The following PER3 variants were observed in gnomAD, a reference collection of about 807,000 sequenced individuals.
The protein encoded by PER3 is period circadian protein homolog 3.
A neutral mutation model predicts 127.2 loss-of-function variants in PER3; 107 were observed. The observed-to-expected ratio is 0.84, with a 90% CI of 0.72 to 0.99. PER3 has a LOEUF of 0.99. Among genes scored for constraint, PER3 ranks in the 50% least tolerant of loss-of-function variants. The probability of loss-of-function intolerance (pLI) is 0.00; values close to 1 mark genes in which losing one functional copy is unlikely to be tolerated. For synonymous variants in PER3, 618 were observed against 585.8 expected (o/e 1.05, Z -0.79); for missense variants, 1,560 against 1,525.8 (o/e 1.02, Z -0.37).
At chr1:7,802,135 G>A (rs552883451) in intron 8 of PER3, among the ~76,000 whole-genome samples, 3 of 152,142 alleles carry the variant, frequency 2.0e-5, no homozygotes, top group South Asian at 2.1e-4. Flanking sequence ...AAATATTTAC[G>A]GAATCCAGTT....
chr1:7,801,077 TTGCC>T, intron 7 of PER3, 32 bp from the exon 8 acceptor site: 5 of 1,209,140 alleles, frequency 4.1e-6, no homozygotes, highest in Non-Finnish European at 6.1e-6. Flanking sequence ...AATTAGATAT[TTGCC>T]TTTAAATGGG....
At chr1:7,831,615 A>G (rs2151206738) in intron 19 of PER3, among the ~76,000 whole-genome samples, 1 of 152,304 alleles carries the variant, frequency 6.6e-6, no homozygotes, top group East Asian at 1.9e-4. Flanking sequence ...GAGGAAGTTC[A>G]CTTCTATTGC....
At position 7,784,569 on chromosome 1, in the gene PER3, G is replaced by C. The variant is rs917289558; in HGVS notation, c.-224-85G>C. 2.1e-5 allele frequency: 5 copies of C among 233,502 alleles called. No homozygotes were observed. The East Asian group carries it at 4.5e-4, about 21-fold the overall frequency. The allele number at this position is 233,502 out of a possible 1,614,324, so 14.5% of individuals were successfully genotyped here. A position where few individuals can be genotyped will look rare whatever the true frequency, so the allele number is the denominator to read the frequency against. On this transcript the variant is annotated intron_variant, in intron 1 of 21. Transcript: ENST00000377532. ...GTTGGGGCAGGGGTGAGGACCGCGC[G>C]GTCGGGGCGCCCCAGCCAGCCGGGC...
intron 5 of PER3, among the ~76,000 whole-genome samples, chr1:7,790,227 T>C (rs1266404152): frequency 2.0e-5 from 3 of 152,170 alleles, no homozygotes; most frequent in Non-Finnish European, 4.4e-5. Context: ...GGGTAATTAA[T>C]AAAGGAAAGA....
In PER3 at chr1:7,822,458, G is replaced by T. The variant is rs948305652; in HGVS notation, c.1957+1818G>T. On this transcript the variant is annotated intron_variant, in intron 16 of 21. Transcript: ENST00000377532. Reference sequence around the variant, plus strand: ...TTAGTAGAGATGATATCACCATGTTGGCCAGGCTGGTCTCGAACTCCGGAC... The same window carrying T: ...TTAGTAGAGATGATATCACCATGTTTGCCAGGCTGGTCTCGAACTCCGGAC... Among the ~76,000 whole-genome samples, 19 of 152,092 alleles carry T rather than the reference G, an allele frequency of 1.2e-4. 1 individual carries two copies. Among genetic ancestry groups the T allele is most frequent in the Admixed American group, 7.9e-4 (12 of 15,280 alleles).
intron 5 of PER3, among the ~76,000 whole-genome samples, chr1:7,789,276 T>C (rs1558381628): frequency 6.6e-6 from 1 of 152,162 alleles, no homozygotes; most frequent in Non-Finnish European, 1.5e-5. Context: ...CCAAATCTCA[T>C]GTTGAATTGT....
chr1:7,823,784 A>G (rs530512494), intron 16 of PER3, among the ~76,000 whole-genome samples: 29 of 152,310 alleles, frequency 1.9e-4, no homozygotes, highest in South Asian at 1.7e-3. Flanking sequence ...ATACAACACT[A>G]TCAGCCACCT....
At chr1:7,787,132 G>A (rs1224681172) in intron 4 of PER3, 3 of 350,132 alleles carry the variant, frequency 8.6e-6, no homozygotes, top group Non-Finnish European at 1.4e-5. Flanking sequence ...AAATTACACT[G>A]CAGAGTAATT....
chr1:7,791,234 C>T (rs977431867), intron 5 of PER3, among the ~76,000 whole-genome samples: 1 of 152,242 alleles, frequency 6.6e-6, no homozygotes, highest in Non-Finnish European at 1.5e-5. Flanking sequence ...CAGGCATTTC[C>T]GTACATCCTC....
chr1:7,810,208 T>C, intron 12 of PER3, 187 bp downstream of exon 12: 2 of 663,364 alleles, frequency 3.0e-6, no homozygotes, highest in South Asian at 2.1e-5. Flanking sequence ...GAAAGTGATA[T>C]TTGAATTAAT....
Position 7,827,194 on chromosome 1 carries a change from G to T in PER3, c.2265G>T (p.Pro755=). 1 of 1,613,500 alleles carries T rather than the reference G, an allele frequency of 6.2e-7. No individual in the cohort carries two copies. Among genetic ancestry groups the T allele is most frequent in the Non-Finnish European group, 8.5e-7 (1 of 1,179,836 alleles). Residue 755 remains proline (P), a synonymous_variant, in exon 18 of 22, where the codon CCG becomes CCT. Coordinates refer to ENST00000377532, the MANE Select transcript of PER3 (RefSeq NM_001377275.1). ...GKHKRKKLPE[P]PDSSSSNTGS... ...ACAAGCGGAAGAAGCTGCCGGAGCCGCCAGACAGCAGCAGCTCGAACACCG... is the reference window on the plus strand; with the variant it reads ...ACAAGCGGAAGAAGCTGCCGGAGCCTCCAGACAGCAGCAGCTCGAACACCG...
chr1:7,797,115 T>C (rs143458942), intron 6 of PER3, among the ~76,000 whole-genome samples: 14 of 152,172 alleles, frequency 9.2e-5, no homozygotes, highest in African/African-American at 3.4e-4. Context: ...CATCAGCGTG[T>C]AAATGGCATT....
At chr1:7,806,052 T>C (rs1577742401) in intron 10 of PER3, among the ~76,000 whole-genome samples, 1 of 152,192 alleles carries the variant, frequency 6.6e-6, no homozygotes, top group Non-Finnish European at 1.5e-5. Flanking sequence ...GCCTTGAGAA[T>C]GTAATGGTAA....
At position 7,827,610 on chromosome 1, in the gene PER3, C is replaced by T; in HGVS notation, c.2681C>T (p.Ala894Val). ...SSAISPSMSS[A>V]MSPTLDPPPS... ...GCGATATCACCCTCAATGTCGTCAG[C>T]AATGAGTCCAACTCTGGACCCACCC... is the stretch of plus-strand genomic sequence containing the variant. The change falls in exon 18 of 22, where the codon GCA (alanine) becomes GTA (valine). Residue 894 changes from alanine to valine, a missense_variant. This residue lies in a region of PER3 where 1,332 missense variants were observed against 1,223.6 expected (regional missense o/e 1.09). Transcript: ENST00000377532. 1 of 1,614,190 alleles carries T rather than the reference C, an allele frequency of 6.2e-7. No homozygotes were observed. The highest frequency in any genetic ancestry group is 8.5e-7 in the Non-Finnish European group (1 of 1,180,042).
In PER3 at chr1:7,784,929, G is replaced by A. The variant is rs41278956; in HGVS notation, c.52G>A (p.Ala18Thr). The A allele has an allele frequency of 3.2e-6, 5 of 1,539,516 alleles. No homozygotes were observed. Among genetic ancestry groups the A allele is most frequent in the African/African-American group, 2.9e-5 (2 of 68,990 alleles). The stretch of plus-strand genomic sequence containing the variant: ...CGGGAGACGGGGGGCTAAGGACGAG[G>A]CCCTGGGCGAAGAATCGGGGGAGCG... The part of the protein sequence containing the change: ...GPGRRGAKDE[A>T]LGEESGERWS... Residue 18 changes from alanine (A) to threonine (T), a missense_variant, in exon 2 of 22, where the codon GCC (alanine) becomes ACC (threonine). This residue lies in a region of PER3 where 1,332 missense variants were observed against 1,223.6 expected (regional missense o/e 1.09). Transcript: ENST00000377532.
Position 7,842,780 on chromosome 1 carries a change from A to G in PER3, c.*25A>G. The stretch of plus-strand genomic sequence containing the variant: ...AGTGACTGTGAGGATGAACCTTCAT[A>G]CCCTTTCCAAGACGTGTTACACAGA... On this transcript the variant is annotated 3_prime_UTR_variant, in exon 22 of 22. Transcript: ENST00000377532. The G allele has an allele frequency of 6.2e-7, 1 of 1,604,820 alleles. No individual in the cohort carries two copies. Among genetic ancestry groups the G allele is most frequent in the African/African-American group, 1.3e-5 (1 of 74,898 alleles).
Position 7,826,177 on chromosome 1 carries a change from A to C in PER3, c.1958-303A>C, listed in dbSNP as rs2097300681. Reference sequence around the variant, plus strand: ...GAATATATTACCTATTTAAAAGGTAAGTTCAAAGATAAAAAGAAATTTTGA... The same window carrying C: ...GAATATATTACCTATTTAAAAGGTACGTTCAAAGATAAAAAGAAATTTTGA... On this transcript the variant is annotated intron_variant, in intron 16 of 21. Coordinates refer to ENST00000377532, the MANE Select transcript of PER3 (RefSeq NM_001377275.1). The surrounding 1 kb of genome is among the most constrained non-coding windows in gnomAD (Gnocchi z 4.2). 6.6e-6 allele frequency among the ~76,000 whole-genome samples: 1 copy of C among 152,344 alleles called. No individual in the cohort carries two copies. The highest frequency in any genetic ancestry group is 1.9e-4 in the East Asian group (1 of 5,190).
At chr1:7,833,097 T>A (rs1005502597) in intron 19 of PER3, among the ~76,000 whole-genome samples, 6 of 152,222 alleles carry the variant, frequency 3.9e-5, no homozygotes, top group South Asian at 2.1e-4. Flanking sequence ...AGATTTTTTT[T>A]AGATATTTTT....
chr1:7,837,155 C>A lies in PER3; in HGVS notation c.3549+6C>A, dbSNP rs1323714083. ...CTCAAGAAATCGACATTCAAGTAAG[C>A]ACAGTAATAATGGCTGTCATATACT... On this transcript the variant is annotated splice_donor_region_variant and intron_variant, in intron 21 of 21. Coordinates refer to ENST00000377532, the MANE Select transcript of PER3 (RefSeq NM_001377275.1). 2 of 1,611,964 alleles carry A rather than the reference C, an allele frequency of 1.2e-6. No homozygotes were observed. Among genetic ancestry groups the A allele is most frequent in the Non-Finnish European group, 1.7e-6 (2 of 1,178,892 alleles).
Sources: gnomAD v4.1 joint callset for allele counts (sites outside exome capture counted in the v4.1 genomes callset) on GRCh38, gnomAD v4.1.1 for gene constraint, gnomAD v4.1.1 regional missense constraint, Gnocchi (gnomAD v3.1) non-coding constraint, MANE v1.5 for transcripts, NCBI Gene and HGNC (gene_info 2026-07-23, HGNC 2026-07-21) for gene names.